The following PRKN variants were observed in gnomAD, a reference collection of about 807,000 sequenced individuals.
The protein encoded by PRKN is E3 ubiquitin-protein ligase parkin.
A neutral mutation model predicts 59.5 loss-of-function variants in PRKN; 56 were observed. That is an observed-to-expected ratio of 0.94 (90% confidence interval 0.76 to 1.18). The LOEUF is 1.18. PRKN is among the 50% of genes most tolerant of loss of function. The probability of loss-of-function intolerance (pLI) is 0.00; values close to 1 mark genes in which losing one functional copy is unlikely to be tolerated. For synonymous variants in PRKN, 250 were observed against 222.1 expected (o/e 1.13, Z -1.12); for missense variants, 657 against 596.4 (o/e 1.10, Z -1.06).
At chr6:162,037,260 T>G (rs1427429908) in intron 5 of PRKN, among the ~76,000 whole-genome samples, 1 of 152,292 alleles carries the variant, frequency 6.6e-6, no homozygotes, top group Non-Finnish European at 1.5e-5. Flanking sequence ...GCCTATAAAC[T>G]TATCAATGCA....
rs576508237 is a variant in PRKN at position 161,889,556 on chromosome 6, G to A, written c.734+83746C>T. ...AGACAGACAGACTGGAGGGATGGAG[G>A]CCAGGTCAGGTGGTGCTGGGAGATG... On this transcript the variant is annotated intron_variant, in intron 6 of 11. Coordinates refer to ENST00000366898, the MANE Select transcript of PRKN (RefSeq NM_004562.3). 1.1e-4 allele frequency among the ~76,000 whole-genome samples: 16 copies of A among 152,304 alleles called. 1 individual carries two copies. In the South Asian group the frequency reaches 2.7e-3, roughly 26 times the overall value.
intron 1 of PRKN, among the ~76,000 whole-genome samples, chr6:162,614,273 G>T (rs1782309678): frequency 6.6e-6 from 1 of 152,044 alleles, no homozygotes; most frequent in Admixed American, 6.6e-5. Context: ...GGAGATGGCG[G>T]TGGCAATGGC....
chr6:162,398,405 T>TTTG (rs1293548645), intron 2 of PRKN, among the ~76,000 whole-genome samples: 1 of 152,104 alleles, frequency 6.6e-6, no homozygotes, highest in Non-Finnish European at 1.5e-5. Flanking sequence ...GTTTTTTTTT[T>TTTG]TTGAGACAGA....
intron 1 of PRKN, among the ~76,000 whole-genome samples, chr6:162,664,635 T>C (rs944813383): frequency 2.6e-5 from 4 of 152,226 alleles, no homozygotes; most frequent in African/African-American, 9.6e-5. Flanking sequence ...TGCATTTCTC[T>C]GGTGATCAGT....
chr6:162,529,686 G>A (rs1778430324), intron 1 of PRKN, among the ~76,000 whole-genome samples: 1 of 152,032 alleles, frequency 6.6e-6, no homozygotes, highest in South Asian at 2.1e-4. Flanking sequence ...CCACACCCAG[G>A]GCTTATATAC....
At chr6:161,574,192 C>T (rs1361842716) in intron 7 of PRKN, among the ~76,000 whole-genome samples, 1 of 151,976 alleles carries the variant, frequency 6.6e-6, no homozygotes, top group East Asian at 1.9e-4. Flanking sequence ...TGGGAAATGG[C>T]CAGATATAAA....
At chr6:161,478,647 C>T (rs1287278642) in intron 9 of PRKN, among the ~76,000 whole-genome samples, 1 of 152,132 alleles carries the variant, frequency 6.6e-6, no homozygotes, top group Non-Finnish European at 1.5e-5. Flanking sequence ...GGGTTTGAGG[C>T]CAGCCTGGGC....
chr6:161,790,580 C>T lies in PRKN; in HGVS notation c.735-4672G>A, dbSNP rs145248230. ...TAAAATGAGTGCCCTTTTAAAGAGA[C>T]CCCGGAAAGCTCCCACACACGTTCC... On this transcript the variant is annotated intron_variant, in intron 6 of 11. Coordinates refer to ENST00000366898, the MANE Select transcript of PRKN (RefSeq NM_004562.3). Among the ~76,000 whole-genome samples, 59 of 152,216 alleles carry T rather than the reference C, an allele frequency of 3.9e-4. No homozygotes were observed. The East Asian group carries it at 5.0e-3, about 13-fold the overall frequency.
At chr6:161,642,575 A>C (rs553844693) in intron 7 of PRKN, among the ~76,000 whole-genome samples, 1 of 152,326 alleles carries the variant, frequency 6.6e-6, no homozygotes, top group African/African-American at 2.4e-5. Flanking sequence ...ACTTTTTAAA[A>C]AAAGACAAAA....
At chr6:161,572,687 T>G (rs1242704974) in intron 7 of PRKN, among the ~76,000 whole-genome samples, 1 of 151,838 alleles carries the variant, frequency 6.6e-6, no homozygotes, top group Admixed American at 6.6e-5. Context: ...AATAAATAAA[T>G]AACCCAAGTG....
At chr6:162,544,106 T>C (rs1779027629) in intron 1 of PRKN, among the ~76,000 whole-genome samples, 5 of 152,200 alleles carry the variant, frequency 3.3e-5, no homozygotes, top group Admixed American at 3.3e-4. Context: ...ATGAGGATCA[T>C]GGACAAAAAT....
intron 7 of PRKN, among the ~76,000 whole-genome samples, chr6:161,607,981 T>C (rs1027407649): frequency 1.3e-5 from 2 of 152,086 alleles, no homozygotes; most frequent in Non-Finnish European, 2.9e-5. Context: ...TGAAAGAAAA[T>C]AGTGCCTTAC....
chr6:161,553,701 T>C (rs1290947774), intron 8 of PRKN, among the ~76,000 whole-genome samples: 1 of 152,138 alleles, frequency 6.6e-6, no homozygotes, highest in Non-Finnish European at 1.5e-5. Flanking sequence ...GATAAAATAT[T>C]TGAATCTTTT....
chr6:161,944,804 C>T (rs1353038396), intron 6 of PRKN, among the ~76,000 whole-genome samples: 2 of 152,184 alleles, frequency 1.3e-5, no homozygotes, highest in Admixed American at 1.3e-4. Flanking sequence ...TAGAAGAAAA[C>T]AGCCCTTTTT....
chr6:162,557,011 C>G (rs1779634963), intron 1 of PRKN, among the ~76,000 whole-genome samples: 1 of 152,068 alleles, frequency 6.6e-6, no homozygotes, highest in South Asian at 2.1e-4. Context: ...CTTTTATATC[C>G]AAGCAATATT....
At chr6:162,432,351 C>G (rs1789576389) in intron 2 of PRKN, among the ~76,000 whole-genome samples, 1 of 152,082 alleles carries the variant, frequency 6.6e-6, no homozygotes. Context: ...CATGGTAACA[C>G]TCCAACTCTA....
At chr6:161,673,479 A>T (rs1784981366) in intron 7 of PRKN, among the ~76,000 whole-genome samples, 1 of 152,170 alleles carries the variant, frequency 6.6e-6, no homozygotes, top group South Asian at 2.1e-4. Context: ...GATGGCAGTG[A>T]CTCAGCAGGG....
Position 161,582,566 on chromosome 6 carries a change from A to G in PRKN, c.872-13150T>C, listed in dbSNP as rs1781378975. Among the ~76,000 whole-genome samples the G allele has an allele frequency of 6.6e-6, 1 of 151,938 alleles. No homozygotes were observed. The highest frequency in any genetic ancestry group is 1.5e-5 in the Non-Finnish European group (1 of 68,002). ...CTCAGCCTCCCAAGCAGCTGGGACTACAGGCGCCTGCCACCTCGCCTGGCT... is the reference window on the plus strand; with the variant it reads ...CTCAGCCTCCCAAGCAGCTGGGACTGCAGGCGCCTGCCACCTCGCCTGGCT... On this transcript the variant is annotated intron_variant, in intron 7 of 11. Transcript: ENST00000366898. The surrounding 1 kb of genome is among the most constrained non-coding windows in gnomAD (Gnocchi z 4.4).
At chr6:161,901,943 G>C (rs993379719) in intron 6 of PRKN, among the ~76,000 whole-genome samples, 2 of 152,154 alleles carry the variant, frequency 1.3e-5, no homozygotes, top group Non-Finnish European at 2.9e-5. Context: ...CCGAGTCATG[G>C]AGCCAGCAGC....
Sources: gnomAD v4.1 joint callset for allele counts (sites outside exome capture counted in the v4.1 genomes callset) on GRCh38, gnomAD v4.1.1 for gene constraint, Gnocchi (gnomAD v3.1) non-coding constraint, MANE v1.5 for transcripts, NCBI Gene and HGNC (gene_info 2026-07-23, HGNC 2026-07-21) for gene names.